Variants in CLUAP1 observed in about 807,000 individuals in gnomAD.
CLUAP1 encodes clusterin-associated protein 1.
In CLUAP1, 50 loss-of-function variants were observed where a neutral mutation model predicts 55.0. The observed-to-expected ratio is 0.91, with a 90% CI of 0.72 to 1.15. The LOEUF is 1.15. Ranked by LOEUF, CLUAP1 falls within the 50% of genes most tolerant of loss-of-function variation. The pLI is 0.00. For missense variants in CLUAP1, 530 were observed against 507.6 expected (o/e 1.04, Z -0.42); for synonymous variants, 195 against 175.4 (o/e 1.11, Z -0.88).
chr16:3,514,223 T>C (rs1596390263), intron 5 of CLUAP1, among the ~76,000 whole-genome samples: 1 of 152,126 alleles, frequency 6.6e-6, no homozygotes, highest in Admixed American at 6.6e-5. Context: ...TTCATTTCCA[T>C]CCCACGGGGT....
chr16:3,512,671 A>T (rs1174998618), intron 5 of CLUAP1, among the ~76,000 whole-genome samples, 193 bp downstream of exon 5: 1 of 151,668 alleles, frequency 6.6e-6, no homozygotes, highest in African/African-American at 2.4e-5. Flanking sequence ...TTATTTATTT[A>T]TTTATTTATT....
At chr16:3,507,680 TTGTGTGTGTGTGTGTGTG>T (rs61672090) in intron 3 of CLUAP1, among the ~76,000 whole-genome samples, 1 of 142,986 alleles carries the variant, frequency 7.0e-6, no homozygotes, top group Non-Finnish European at 1.5e-5. Flanking sequence ...CTTCCAGAGT[TTGTGTGTGTGTGTGTGTG>T]TGTGTGTGTG....
rs541855412 is a variant in CLUAP1, at chr16:3,507,070, C to T, written c.219+655C>T. On this transcript the variant is annotated intron_variant, in intron 3 of 11. Coordinates refer to ENST00000576634, the MANE Select transcript of CLUAP1 (RefSeq NM_015041.3). ...AATTAGTTGGATGTGGTGGCGGGCA[C>T]CTGTAGTCCCAGCTACTCGGGAGGC... Among the ~76,000 whole-genome samples, 11 of 151,820 alleles carry T rather than the reference C, an allele frequency of 7.2e-5. No individual in the cohort carries two copies. The East Asian group carries it at 1.6e-3, about 22-fold the overall frequency.
intron 6 of CLUAP1, among the ~76,000 whole-genome samples, chr16:3,517,581 G>C (rs2037753026): frequency 6.6e-6 from 1 of 152,020 alleles, no homozygotes; most frequent in Non-Finnish European, 1.5e-5. Context: ...CAAAGTGCTG[G>C]GATTACAGGC....
chr16:3,524,937 G>T (rs547023927), intron 8 of CLUAP1, among the ~76,000 whole-genome samples: 23 of 152,270 alleles, frequency 1.5e-4, no homozygotes, highest in Admixed American at 1.0e-3. Flanking sequence ...TGATGAAATT[G>T]GTCTGCAGTC....
At chr16:3,524,596 CAAAAAAAA>C (rs755040158) in intron 8 of CLUAP1, among the ~76,000 whole-genome samples, 3 of 34,292 alleles carry the variant, frequency 8.7e-5, no homozygotes, top group Admixed American at 2.7e-4. Flanking sequence ...GACACCATCT[CAAAAAAAA>C]AAAAAAAAAA....
intron 7 of CLUAP1, among the ~76,000 whole-genome samples, chr16:3,520,826 C>T (rs531782706): frequency 2.6e-5 from 4 of 152,270 alleles, no homozygotes; most frequent in South Asian, 2.1e-4. Context: ...CCAGGAATAC[C>T]GATGGAGAAT....
chr16:3,521,028 T>C (rs1385449765), intron 7 of CLUAP1, among the ~76,000 whole-genome samples: 3 of 152,184 alleles, frequency 2.0e-5, no homozygotes, highest in Non-Finnish European at 4.4e-5. Flanking sequence ...CCCTGCCCAC[T>C]GTCCCGAGGT....
chr16:3,512,404 A>G lies in CLUAP1; in HGVS notation c.421A>G (p.Arg141Gly). The G allele has an allele frequency of 1.2e-6, 2 of 1,614,032 alleles. No individual in the cohort carries two copies. Among genetic ancestry groups the G allele is most frequent in the Non-Finnish European group, 1.7e-6 (2 of 1,179,926 alleles). Residue 141 changes from arginine to glycine, a missense_variant, in exon 5 of 12, where the codon AGG becomes GGG. Physicochemically the swap from Arg to Gly is moderately radical, Grantham distance 125 (BLOSUM62 -2). Coordinates refer to ENST00000576634, the MANE Select transcript of CLUAP1 (RefSeq NM_015041.3). ...GSKIADLKAA[R>G]QLASEITSKG... The stretch of plus-strand genomic sequence containing the variant: ...CCAGATTGCAGATTTGAAGGCAGCC[A>G]GGCAGCTTGCGTCTGAAATCACCTC...
intron 4 of CLUAP1, 38 bp downstream of exon 4, chr16:3,508,506 G>C: frequency 6.7e-7 from 1 of 1,495,634 alleles, no homozygotes; most frequent in Non-Finnish European, 8.9e-7. Context: ...GCGATGGAGC[G>C]TTGATTTCTT....
chr16:3,519,538 A>T (rs1157463370), intron 6 of CLUAP1, among the ~76,000 whole-genome samples: 1 of 152,210 alleles, frequency 6.6e-6, no homozygotes, highest in African/African-American at 2.4e-5. Context: ...GGCCCGAATG[A>T]TAAAAAGGCA....
chr16:3,509,220 G>A (rs897416504), intron 4 of CLUAP1, among the ~76,000 whole-genome samples: 3 of 152,138 alleles, frequency 2.0e-5, no homozygotes, highest in African/African-American at 4.8e-5. Context: ...CTGCGCTCCC[G>A]CCTAGGCAAC....
chr16:3,511,004 G>A (rs1444383724), intron 4 of CLUAP1, among the ~76,000 whole-genome samples: 1 of 152,194 alleles, frequency 6.6e-6, no homozygotes, highest in Non-Finnish European at 1.5e-5. Flanking sequence ...CAGCAGAAAA[G>A]ACGGGGGGTC....
upstream of CLUAP1, among the ~76,000 whole-genome samples, chr16:3,497,973 G>A (rs1469661452): frequency 9.2e-5 from 14 of 152,056 alleles, no homozygotes; most frequent in Admixed American, 7.2e-4. Context: ...AGATTTATTA[G>A]GGATATTGGC....
At chr16:3,512,115 G>C (rs949029630) in intron 4 of CLUAP1, among the ~76,000 whole-genome samples, 3 of 151,814 alleles carry the variant, frequency 2.0e-5, no homozygotes, top group Admixed American at 1.3e-4. Flanking sequence ...GAACCTGGGA[G>C]GTGGAGATTG....
chr16:3,498,696 A>G (rs2037337489), upstream of CLUAP1, among the ~76,000 whole-genome samples: 1 of 151,992 alleles, frequency 6.6e-6, no homozygotes, highest in Non-Finnish European at 1.5e-5. Context: ...CGTCTCTACT[A>G]AAAATACAAA....
In CLUAP1 at chr16:3,536,768, CTT is replaced by C. The variant is rs1385268544; in HGVS notation, c.*498_*499del. ...TCTAGCTCTTATTTCATTTTGTAAT[CTT>C]ATTTTCTTTCGTCTGCATGTTCACA... On this transcript the variant is annotated 3_prime_UTR_variant, in exon 12 of 12. Transcript: ENST00000576634. The C allele has an allele frequency of 5.2e-5, 8 of 152,798 alleles. No homozygotes were observed. The highest frequency in any genetic ancestry group is 1.9e-4 in the African/African-American group (8 of 41,438). The allele number at this position is 152,798 out of a possible 1,614,324, so 9.5% of individuals were successfully genotyped here.
chr16:3,532,654 G>A, intron 10 of CLUAP1, 132 bp from the exon 11 acceptor site: 1 of 875,754 alleles, frequency 1.1e-6, no homozygotes, highest in Non-Finnish European at 1.8e-6. Flanking sequence ...CTGGCCTCCT[G>A]TCTCAGCCTC....
chr16:3,504,194 C>T (rs543109857), intron 1 of CLUAP1, among the ~76,000 whole-genome samples: 6 of 152,054 alleles, frequency 3.9e-5, no homozygotes, highest in African/African-American at 1.2e-4. Context: ...AAATACAAGG[C>T]GACTGATCTT....
Sources: gnomAD v4.1 joint callset for allele counts (sites outside exome capture counted in the v4.1 genomes callset) on GRCh38, gnomAD v4.1.1 for gene constraint, MANE v1.5 for transcripts, NCBI Gene and HGNC (gene_info 2026-07-23, HGNC 2026-07-21) for gene names.